LRMDA: variants seen among roughly 807,000 people sequenced by gnomAD.
The protein encoded by LRMDA is leucine rich melanocyte differentiation associated, also known as leucine-rich melanocyte differentiation-associated protein.
A neutral mutation model predicts 29.8 loss-of-function variants in LRMDA; 18 were observed. The ratio of observed to expected loss-of-function variants is 0.60; its 90% CI spans 0.42 to 0.90. LRMDA has a LOEUF of 0.90. Ranked by LOEUF, LRMDA falls within the 40% of genes least tolerant of loss-of-function variation. The pLI is 0.00. For synonymous variants in LRMDA, 125 were observed against 109.4 expected, an observed-to-expected ratio of 1.14 and a Z score of -0.89; for missense variants, 273 against 273.9, an observed-to-expected ratio of 1.00 and a Z score of 0.02.
At chr10:76,009,730 TCTC>T (rs747453179) in intron 2 of LRMDA, among the ~76,000 whole-genome samples, 1 of 152,190 alleles carries the variant, frequency 6.6e-6, no homozygotes, top group Admixed American at 6.5e-5. Context: ...AGGTTTTTCT[TCTC>T]CTCCGCAGCC....
At chr10:76,432,714 G>A (rs1842204582) in intron 6 of LRMDA, among the ~76,000 whole-genome samples, 3 of 152,132 alleles carry the variant, frequency 2.0e-5, no homozygotes, top group South Asian at 2.1e-4. Context: ...CAGATGAGGC[G>A]CAGAATAGGC....
rs545561661 is a variant in LRMDA at position 76,383,991 on chromosome 10, T to C, written c.601+59506T>C. Among the ~76,000 whole-genome samples the C allele has an allele frequency of 2.6e-5, 4 of 152,154 alleles. No homozygotes were observed. In the South Asian group the frequency reaches 8.3e-4, roughly 32 times the overall value. On this transcript the variant is annotated intron_variant, in intron 6 of 6. Transcript: ENST00000611255. The stretch of plus-strand genomic sequence containing the variant: ...TTTCTCTCTCTCTTCTCTTTCTCTC[T>C]CCAGCCCTCTTTCTCTCTCTCTCCC...
chr10:76,282,391 G>T (rs1840217404), intron 5 of LRMDA, among the ~76,000 whole-genome samples: 1 of 152,144 alleles, frequency 6.6e-6, no homozygotes, highest in Non-Finnish European at 1.5e-5. Flanking sequence ...TGTTCCACCA[G>T]CTGCACAGTG....
intron 2 of LRMDA, among the ~76,000 whole-genome samples, chr10:75,792,497 TC>T (rs1367410372): frequency 6.6e-6 from 1 of 152,186 alleles, no homozygotes; most frequent in East Asian, 1.9e-4. Context: ...TCTGCTGACC[TC>T]ATGATCCACC....
At chr10:75,724,212 G>A (rs1329717993) in intron 2 of LRMDA, among the ~76,000 whole-genome samples, 1 of 152,172 alleles carries the variant, frequency 6.6e-6, no homozygotes, top group Non-Finnish European at 1.5e-5. Flanking sequence ...TAATCGTGCT[G>A]TGAGGTTCAA....
In LRMDA at chr10:75,596,542, A is replaced by AT. The variant is rs775484607; in HGVS notation, c.131+158061dup. Among the ~76,000 whole-genome samples, 683 of 150,206 alleles carry AT rather than the reference A, an allele frequency of 4.5e-3. 4 individuals are homozygous for AT. Among genetic ancestry groups the AT allele is most frequent in the African/African-American group, 0.016 (638 of 41,078 alleles). The stretch of plus-strand genomic sequence containing the variant: ...CATTTTTCCATCTGAGTCTACTGAG[A>AT]TTTTTTTTTTTTTAAAATGACATAT... On this transcript the variant is annotated intron_variant, in intron 2 of 6. Transcript: ENST00000611255.
At position 75,928,342 on chromosome 10, in the gene LRMDA, C is replaced by T. The variant is rs555310658; in HGVS notation, c.132-107666C>T. 2.6e-5 allele frequency among the ~76,000 whole-genome samples: 4 copies of T among 151,142 alleles called. No homozygotes were observed. In the East Asian group the frequency reaches 5.8e-4, roughly 22 times the overall value. On this transcript the variant is annotated intron_variant, in intron 2 of 6. Transcript: ENST00000611255. Reference sequence around the variant, plus strand: ...TACAGTTATCTGGAAATCTATTGCTCGGGCAAAAGCAGGATTGCGTGATAC... The same window carrying T: ...TACAGTTATCTGGAAATCTATTGCTTGGGCAAAAGCAGGATTGCGTGATAC...
chr10:76,134,149 G>A (rs1850050773), intron 5 of LRMDA, among the ~76,000 whole-genome samples: 2 of 152,154 alleles, frequency 1.3e-5, no homozygotes, highest in Admixed American at 1.3e-4. Context: ...CTAAGGCAGG[G>A]TTTGTAACCA....
At chr10:76,226,971 A>G (rs1283925516) in intron 5 of LRMDA, among the ~76,000 whole-genome samples, 1 of 152,202 alleles carries the variant, frequency 6.6e-6, no homozygotes, top group African/African-American at 2.4e-5. Context: ...AAAACAAGCA[A>G]TGTTGTGAGG....
intron 2 of LRMDA, among the ~76,000 whole-genome samples, chr10:75,540,986 A>T (rs1472859505): frequency 2.6e-5 from 4 of 151,322 alleles, no homozygotes; most frequent in Non-Finnish European, 5.9e-5. Context: ...TTTTTTTTTT[A>T]AAAAGGAAAA....
intron 2 of LRMDA, among the ~76,000 whole-genome samples, chr10:75,903,124 A>G (rs996939173): frequency 6.6e-6 from 1 of 152,216 alleles, no homozygotes; most frequent in Non-Finnish European, 1.5e-5. Flanking sequence ...AAATCAACGT[A>G]TCTTGCTCTC....
chr10:76,545,663 T>C (rs976460178), intron 6 of LRMDA, among the ~76,000 whole-genome samples: 6 of 148,176 alleles, frequency 4.0e-5, no homozygotes, highest in African/African-American at 1.5e-4. Flanking sequence ...ATTATTATTA[T>C]TATTATTATT....
At chr10:76,119,989 T>C (rs1279601111) in intron 5 of LRMDA, among the ~76,000 whole-genome samples, 1 of 152,146 alleles carries the variant, frequency 6.6e-6, no homozygotes, top group East Asian at 1.9e-4. Context: ...GCCCCCCATT[T>C]GTTAGGGTCT....
chr10:75,854,411 A>G (rs978490300), intron 2 of LRMDA, among the ~76,000 whole-genome samples: 3 of 152,064 alleles, frequency 2.0e-5, no homozygotes, highest in Non-Finnish European at 4.4e-5. Flanking sequence ...GCCACCCCCC[A>G]TGCCTTTTAC....
chr10:76,505,226 C>T (rs1394778885), intron 6 of LRMDA, among the ~76,000 whole-genome samples: 1 of 151,852 alleles, frequency 6.6e-6, no homozygotes, highest in Non-Finnish European at 1.5e-5. Context: ...TTCTCTCTAG[C>T]TACCTTTATG....
intron 6 of LRMDA, among the ~76,000 whole-genome samples, chr10:76,380,792 A>G (rs1841581201): frequency 6.6e-6 from 1 of 151,822 alleles, no homozygotes; most frequent in Non-Finnish European, 1.5e-5. Flanking sequence ...ACATTACTGT[A>G]ATATTTTTCT....
At chr10:76,166,998 C>A (rs1204094740) in intron 5 of LRMDA, among the ~76,000 whole-genome samples, 1 of 151,890 alleles carries the variant, frequency 6.6e-6, no homozygotes, top group Non-Finnish European at 1.5e-5. Context: ...TAATAGATAG[C>A]CATTCTGACT....
At chr10:75,499,054 A>C (rs919614762) in intron 2 of LRMDA, among the ~76,000 whole-genome samples, 7 of 151,810 alleles carry the variant, frequency 4.6e-5, no homozygotes, top group African/African-American at 1.7e-4. Context: ...GGCAGGAGGG[A>C]AGGGCGGTGG....
At chr10:75,967,368 A>C (rs940969373) in intron 2 of LRMDA, among the ~76,000 whole-genome samples, 5 of 152,200 alleles carry the variant, frequency 3.3e-5, no homozygotes, top group African/African-American at 1.2e-4. Flanking sequence ...TTGAATTAAC[A>C]ATCTGACTTT....
Sources: gnomAD v4.1 joint callset for allele counts (sites outside exome capture counted in the v4.1 genomes callset) on GRCh38, gnomAD v4.1.1 for gene constraint, MANE v1.5 for transcripts, NCBI Gene and HGNC (gene_info 2026-07-23, HGNC 2026-07-21) for gene names.